The following UBE2K variants were observed in gnomAD, a reference collection of about 807,000 sequenced individuals.
UBE2K encodes the protein ubiquitin-conjugating enzyme E2 K.
UBE2K carries 6 observed loss-of-function variants against 30.0 expected under a neutral mutation model. The observed-to-expected ratio is 0.20, with a 90% CI of 0.11 to 0.39. The LOEUF (loss-of-function observed/expected upper bound fraction) is 0.39, where lower values mean the gene tolerates loss of function less well. Among genes scored for constraint, UBE2K ranks in the 10% least tolerant of loss-of-function variants. The pLI is 1.00. For synonymous variants in UBE2K, 86 were observed against 83.7 expected, an observed-to-expected ratio of 1.03 and a Z score of -0.15; for missense variants, 61 against 241.6, an observed-to-expected ratio of 0.25 and a Z score of 4.96.
chr4:39,765,938 T>TACATACATACATAC (rs1258930076), intron 4 of UBE2K, among the ~76,000 whole-genome samples: 1 of 149,384 alleles, frequency 6.7e-6, no homozygotes, highest in South Asian at 2.1e-4. Context: ...CATACATACA[T>TACATACATACATAC]ACACACACAC....
chr4:39,724,110 G>A (rs963501343), intron 1 of UBE2K, among the ~76,000 whole-genome samples: 6 of 134,462 alleles, frequency 4.5e-5, no homozygotes, highest in Admixed American at 1.7e-4. Flanking sequence ...ACCATGCCCA[G>A]TCCTTTTTTA....
At chr4:39,748,245 G>A (rs975377973) in intron 3 of UBE2K, among the ~76,000 whole-genome samples, 9 of 151,676 alleles carry the variant, frequency 5.9e-5, no homozygotes, top group African/African-American at 2.2e-4. Context: ...TTTTTTTAGA[G>A]ACAGGGTCTT....
intron 4 of UBE2K, chr4:39,770,834 C>T: frequency 6.5e-7 from 1 of 1,539,706 alleles, no homozygotes; most frequent in Admixed American, 2.1e-5. Context: ...CAGATACGTC[C>T]TCATCCTCAT....
chr4:39,767,093 AT>A (rs1324506539), intron 4 of UBE2K, among the ~76,000 whole-genome samples: 1 of 151,908 alleles, frequency 6.6e-6, no homozygotes, highest in Non-Finnish European at 1.5e-5. Context: ...ATATTCTCGT[AT>A]TTTTTGCTTT....
intron 1 of UBE2K, among the ~76,000 whole-genome samples, chr4:39,700,798 G>A (rs2109298414): frequency 6.6e-6 from 1 of 152,298 alleles, no homozygotes; most frequent in South Asian, 2.1e-4. Flanking sequence ...AAGAGCCTTT[G>A]TAAAGATAGC....
intron 4 of UBE2K, chr4:39,771,444 G>T: frequency 2.5e-6 from 4 of 1,585,702 alleles, no homozygotes; most frequent in Non-Finnish European, 2.6e-6. Flanking sequence ...CATTGTGGCG[G>T]GGGTGGGCAA....
At chr4:39,729,678 A>G (rs1038400862) in intron 1 of UBE2K, among the ~76,000 whole-genome samples, 5 of 151,990 alleles carry the variant, frequency 3.3e-5, no homozygotes, top group Non-Finnish European at 7.4e-5. Flanking sequence ...TCTGATTGTT[A>G]CAACACTTCA....
Position 39,737,506 on chromosome 4 carries a change from A to T in UBE2K, c.150A>T (p.Pro50=). The part of the protein sequence containing the change: ...RGEIAGPPDT[P]YEGGRYQLEI... ...AAATAGCAGGACCTCCAGACACACC[A>T]TATGAAGGCAAGTACTTTTTTCTGT... is the stretch of plus-strand genomic sequence containing the variant. The change falls in exon 2 of 7, where the codon CCA becomes CCT. Residue 50 remains proline, a synonymous_variant. Transcript: ENST00000261427. 6.4e-7 allele frequency: 1 copy of T among 1,559,516 alleles called. No individual in the cohort carries two copies. The highest frequency in any genetic ancestry group is 8.6e-7 in the Non-Finnish European group (1 of 1,159,308).
chr4:39,730,706 T>G (rs73240673), intron 1 of UBE2K, among the ~76,000 whole-genome samples: 125,441 of 151,430 alleles, frequency 0.83, 52,440 homozygotes, highest in African/African-American at 0.94. Context: ...AGAGGTGGAG[T>G]TTGCAGTGAG....
At chr4:39,729,007 C>G (rs116622360) in intron 1 of UBE2K, among the ~76,000 whole-genome samples, 4 of 146,664 alleles carry the variant, frequency 2.7e-5, no homozygotes, top group Admixed American at 6.9e-5. Flanking sequence ...CTTACTTTGT[C>G]GCCCAAGCTG....
At chr4:39,760,910 G>T (rs1330657401) in intron 4 of UBE2K, 1 of 152,226 alleles carries the variant, frequency 6.6e-6, no homozygotes, top group Non-Finnish European at 1.5e-5. Context: ...TATCCAGGCG[G>T]TGGTTACATG....
At chr4:39,703,851 A>T (rs1443309742) in intron 1 of UBE2K, among the ~76,000 whole-genome samples, 2 of 108,766 alleles carry the variant, frequency 1.8e-5, no homozygotes, top group Non-Finnish European at 3.4e-5. Flanking sequence ...TCTCAAAAAA[A>T]AAAAAAAAAA....
intron 1 of UBE2K, among the ~76,000 whole-genome samples, chr4:39,733,071 A>G (rs911255995): frequency 1.3e-5 from 2 of 150,970 alleles, no homozygotes; most frequent in African/African-American, 4.9e-5. Flanking sequence ...AAAAAAAAAA[A>G]AAACAACCAG....
At chr4:39,750,537 G>C (rs1451707666) in intron 3 of UBE2K, among the ~76,000 whole-genome samples, 1 of 151,990 alleles carries the variant, frequency 6.6e-6, no homozygotes, top group Non-Finnish European at 1.5e-5. Context: ...TACTAGTTTT[G>C]TATATAAAAA....
At position 39,735,403 on chromosome 4, in the gene UBE2K, C is replaced by T. The variant is rs28650183; in HGVS notation, c.64-2017C>T. Among the ~76,000 whole-genome samples, 967 of 152,010 alleles carry T rather than the reference C, an allele frequency of 6.4e-3. 8 individuals carry two copies. Among genetic ancestry groups the T allele is most frequent in the African/African-American group, 0.022 (917 of 41,452 alleles). ...TTTTGTGTTTTTGGTTTTTTTGAGACGGAGTCTCGTTCTGTCACCCAGGCT... is the reference window on the plus strand; with the variant it reads ...TTTTGTGTTTTTGGTTTTTTTGAGATGGAGTCTCGTTCTGTCACCCAGGCT... On this transcript the variant is annotated intron_variant, in intron 1 of 6. Transcript: ENST00000261427.
At position 39,761,810 on chromosome 4, in the gene UBE2K, A is replaced by G. The variant is rs572503691; in HGVS notation, c.299+6071A>G. On this transcript the variant is annotated intron_variant, in intron 4 of 6. Coordinates refer to ENST00000261427, the MANE Select transcript of UBE2K (RefSeq NM_005339.5). The stretch of plus-strand genomic sequence containing the variant: ...ACTGAATTTAGATTAGAGCAGTCCA[A>G]AATTGCACACATTTCTTTATATTAT... Among the ~76,000 whole-genome samples, 6 of 152,324 alleles carry G rather than the reference A, an allele frequency of 3.9e-5. No individual in the cohort carries two copies. The East Asian group carries it at 1.2e-3, about 29-fold the overall frequency.
intron 4 of UBE2K, chr4:39,770,071 G>C: frequency 6.5e-7 from 1 of 1,533,444 alleles, no homozygotes; most frequent in Non-Finnish European, 8.8e-7. Context: ...GGGCCTCCAC[G>C]CCTGCGCGGC....
At chr4:39,739,818 G>A (rs753842321) in intron 2 of UBE2K, among the ~76,000 whole-genome samples, 1 of 152,158 alleles carries the variant, frequency 6.6e-6, no homozygotes, top group African/African-American at 2.4e-5. Flanking sequence ...CAAACCCCTG[G>A]CCTAAAACAA....
intron 3 of UBE2K, among the ~76,000 whole-genome samples, chr4:39,748,516 A>G (rs1721093295): frequency 6.6e-6 from 1 of 152,084 alleles, no homozygotes; most frequent in East Asian, 1.9e-4. Context: ...ATGGTGGCTC[A>G]CGCCTATAAT....
Sources: allele counts gnomAD v4.1 joint callset (sites outside exome capture counted in the v4.1 genomes callset), GRCh38; gene constraint gnomAD v4.1.1; transcripts MANE v1.5; gene names NCBI Gene and HGNC (gene_info 2026-07-23, HGNC 2026-07-21).